Variants in SPDYE10 observed in about 807,000 individuals in gnomAD.
SPDYE10 encodes speedy protein E10.
At chr7:73,120,556 A>C in the SPDYE10 span, among the ~76,000 whole-genome samples, 2 of 104,296 alleles carry the variant, frequency 1.9e-5, no homozygotes, top group Admixed American at 8.8e-5. Flanking sequence ...TGGGAGGCCG[A>C]GGCGGGCAGA....
chr7:73,149,400 G>A, the SPDYE10 span, among the ~76,000 whole-genome samples: 2 of 144,332 alleles, frequency 1.4e-5, no homozygotes, highest in African/African-American at 5.2e-5. Flanking sequence ...CCATTCTCCT[G>A]CCTCAGCCTC....
chr7:73,149,608 C>T, the SPDYE10 span, among the ~76,000 whole-genome samples: 2 of 152,180 alleles, frequency 1.3e-5, no homozygotes, highest in Admixed American at 6.5e-5. Context: ...TTTTATTCAT[C>T]GTGTTTCTAT....
the SPDYE10 span, among the ~76,000 whole-genome samples, chr7:73,134,980 G>A: frequency 6.6e-6 from 1 of 152,292 alleles, no homozygotes; most frequent in African/African-American, 2.4e-5. Flanking sequence ...TGCAGAGAGA[G>A]ATAGGAGGGA....
At chr7:73,135,643 AC>A in the SPDYE10 span, among the ~76,000 whole-genome samples, 1 of 107,130 alleles carries the variant, frequency 9.3e-6, no homozygotes, top group African/African-American at 3.8e-5. Flanking sequence ...CTTGTGCCCC[AC>A]CACTCGAGTA....
chr7:73,137,152 G>A, the SPDYE10 span, among the ~76,000 whole-genome samples: 1 of 151,432 alleles, frequency 6.6e-6, no homozygotes, highest in Non-Finnish European at 1.5e-5. Flanking sequence ...AGGCCAAGGT[G>A]GATGGATCAT....
chr7:73,113,427 T>C, the SPDYE10 span, among the ~76,000 whole-genome samples: 1 of 104,520 alleles, frequency 9.6e-6, no homozygotes, highest in Admixed American at 1.0e-4. Context: ...TTCCAACAAC[T>C]TGAGAGACTG....
At chr7:73,134,555 A>AAGAAAGAAAGAAAGAAAGAAAGAAAGAG in the SPDYE10 span, among the ~76,000 whole-genome samples, 1 of 152,210 alleles carries the variant, frequency 6.6e-6, no homozygotes, top group South Asian at 2.1e-4. Context: ...GAAAGAAAGA[A>AAGAAAGAAAGAAAGAAAGAAAGAAAGAG]AGAAAGAAAG....
chr7:73,123,749 C>T, the SPDYE10 span, among the ~76,000 whole-genome samples: 3 of 150,698 alleles, frequency 2.0e-5, no homozygotes, highest in East Asian at 2.0e-4. Flanking sequence ...TGAGCCACTG[C>T]GCCTGGCCAT....
At chr7:73,141,111 C>CACACACACAG in the SPDYE10 span, among the ~76,000 whole-genome samples, 30 of 145,408 alleles carry the variant, frequency 2.1e-4, no homozygotes, top group Middle Eastern at 3.6e-3. Context: ...CACACACACA[C>CACACACACAG]AGACAAAATT....
the SPDYE10 span, among the ~76,000 whole-genome samples, chr7:73,132,512 A>C: frequency 6.6e-6 from 1 of 151,268 alleles, no homozygotes; most frequent in East Asian, 1.9e-4. Context: ...ACATCACTGC[A>C]CTCTAGCCTG....
the SPDYE10 span, chr7:73,104,564 ATAAT>A: frequency 1.9e-5 from 2 of 105,480 alleles, 1 homozygote; most frequent in Non-Finnish European, 4.2e-5. Context: ...AAATATTTAA[ATAAT>A]TCTATACCCA....
At chr7:73,123,784 T>TCC in the SPDYE10 span, among the ~76,000 whole-genome samples, 273 of 143,516 alleles carry the variant, frequency 1.9e-3, no homozygotes, top group Middle Eastern at 3.5e-3. Context: ...TCTCTCTCTC[T>TCC]CTCCCTCTCT....
the SPDYE10 span, chr7:73,104,941 ACT>A: frequency 1.8e-5 from 2 of 112,810 alleles, no homozygotes; most frequent in African/African-American, 6.6e-5. Flanking sequence ...TCATCAAAAA[ACT>A]CTACAGGAAC....
chr7:73,149,494 A>G, the SPDYE10 span, among the ~76,000 whole-genome samples: 1 of 145,250 alleles, frequency 6.9e-6, no homozygotes, highest in Non-Finnish European at 1.5e-5. Context: ...TCACCATGTT[A>G]GCCAGGATGG....
the SPDYE10 span, among the ~76,000 whole-genome samples, chr7:73,121,364 CTCCCAGGCTCAAGT>C: frequency 1.3e-5 from 1 of 76,828 alleles, no homozygotes; most frequent in African/African-American, 7.0e-5. Context: ...CAGCCTCAAC[CTCCCAGGCTCAAGT>C]AATCCCCCCA....
At chr7:73,132,546 C>CA in the SPDYE10 span, among the ~76,000 whole-genome samples, 3,970 of 59,220 alleles carry the variant, frequency 0.067, 32 homozygotes, top group African/African-American at 0.18. Context: ...GACCCTGTCT[C>CA]AAAAAAAAAA....
chr7:73,123,839 C>T, the SPDYE10 span, among the ~76,000 whole-genome samples: 1 of 144,574 alleles, frequency 6.9e-6, no homozygotes, highest in East Asian at 2.1e-4. Context: ...GGCTGGAGTG[C>T]AATGGTGCGA....
chr7:73,149,215 C>T, the SPDYE10 span, among the ~76,000 whole-genome samples: 1 of 138,378 alleles, frequency 7.2e-6, no homozygotes, highest in Non-Finnish European at 1.6e-5. Context: ...GTCCTGACCT[C>T]AAGGGCTCCA....
the SPDYE10 span, among the ~76,000 whole-genome samples, chr7:73,116,974 T>A: frequency 6.6e-6 from 1 of 151,798 alleles, no homozygotes; most frequent in East Asian, 1.9e-4. Flanking sequence ...CGTCTCACTA[T>A]AACCTCCACC....
Sources: allele counts gnomAD v4.1 joint callset (sites outside exome capture counted in the v4.1 genomes callset), GRCh38; gene constraint gnomAD v4.1.1; transcripts MANE v1.5; gene names NCBI Gene and HGNC (gene_info 2026-07-23, HGNC 2026-07-21).